The following ZNF277 variants were observed in gnomAD, a reference collection of about 807,000 sequenced individuals.
The protein encoded by ZNF277 is zinc finger protein 277.
A neutral mutation model predicts 60.7 loss-of-function variants in ZNF277; 55 were observed. The ratio of observed to expected loss-of-function variants is 0.91; its 90% CI spans 0.73 to 1.13. The LOEUF (loss-of-function observed/expected upper bound fraction) is 1.13. Among genes scored for constraint, ZNF277 ranks in the 50% most tolerant of loss-of-function variants. The pLI is 0.00. For synonymous variants in ZNF277, 178 were observed against 179.3 expected (o/e 0.99, Z 0.06); for missense variants, 510 against 523.0 (o/e 0.98, Z 0.24).
chr7:112,314,977 T>A (rs1792812232), intron 4 of ZNF277, among the ~76,000 whole-genome samples: 2 of 152,118 alleles, frequency 1.3e-5, no homozygotes, highest in Non-Finnish European at 2.9e-5. Flanking sequence ...GCAGACTAAT[T>A]TTTTAAAGGT....
intron 1 of ZNF277, among the ~76,000 whole-genome samples, chr7:112,247,035 A>G (rs187501112): frequency 6.6e-6 from 1 of 152,148 alleles, no homozygotes; most frequent in Non-Finnish European, 1.5e-5. Context: ...ATAATGCCAC[A>G]TTGCACACTG....
intron 6 of ZNF277, 92 bp downstream of exon 6, chr7:112,327,919 A>G: frequency 2.4e-6 from 2 of 849,746 alleles, no homozygotes; most frequent in Non-Finnish European, 3.5e-6. Flanking sequence ...GAGTAATTAA[A>G]GAAGTGGGAA....
At chr7:112,328,062 T>C (rs1473909442) in intron 6 of ZNF277, 3 of 354,290 alleles carry the variant, frequency 8.5e-6, no homozygotes. Context: ...TATCATACAA[T>C]GTATGCCGTA....
At chr7:112,310,953 C>A (rs749088135) in intron 4 of ZNF277, among the ~76,000 whole-genome samples, 9 of 152,056 alleles carry the variant, frequency 5.9e-5, no homozygotes, top group Admixed American at 1.3e-4. Context: ...TTTTTGATAG[C>A]CATAGCTAAT....
intron 1 of ZNF277, among the ~76,000 whole-genome samples, chr7:112,210,466 T>TTTTTTG (rs1554482109): frequency 1.2e-4 from 1 of 8,268 alleles, no homozygotes; most frequent in Non-Finnish European, 3.5e-4. Flanking sequence ...TTGTTTTTTG[T>TTTTTTG]TTTTTTTTTT....
chr7:112,280,340 C>CA (rs758017101), intron 1 of ZNF277, among the ~76,000 whole-genome samples: 38 of 152,134 alleles, frequency 2.5e-4, no homozygotes, highest in Non-Finnish European at 2.2e-4. Flanking sequence ...TCCCCAGAAT[C>CA]AATAAAAATG....
At chr7:112,208,870 C>G (rs959832888) in intron 1 of ZNF277, among the ~76,000 whole-genome samples, 1 of 151,878 alleles carries the variant, frequency 6.6e-6, no homozygotes. Flanking sequence ...TTAGTAGAGA[C>G]GGGGTTTCAC....
At chr7:112,330,743 T>C (rs6944662) in intron 7 of ZNF277, among the ~76,000 whole-genome samples, 53,458 of 151,226 alleles carry the variant, frequency 0.35, 11,979 homozygotes, top group African/African-American at 0.64. Context: ...TACACCACAC[T>C]TGGCTAATTT....
At chr7:112,215,783 T>TA (rs1259475919) in intron 1 of ZNF277, among the ~76,000 whole-genome samples, 1 of 152,220 alleles carries the variant, frequency 6.6e-6, no homozygotes, top group Non-Finnish European at 1.5e-5. Flanking sequence ...GCCCTGCCTT[T>TA]AAAAAACTTT....
At chr7:112,299,239 C>A (rs1019259039) in intron 4 of ZNF277, among the ~76,000 whole-genome samples, 3 of 152,130 alleles carry the variant, frequency 2.0e-5, no homozygotes, top group African/African-American at 7.2e-5. Context: ...GATCTATCTC[C>A]TTTATAAAGA....
intron 1 of ZNF277, among the ~76,000 whole-genome samples, chr7:112,257,128 C>A (rs1035093350): frequency 2.0e-5 from 3 of 152,184 alleles, no homozygotes; most frequent in Admixed American, 6.5e-5. Flanking sequence ...GTATTGATGA[C>A]CATCAACATA....
At chr7:112,301,164 C>T (rs905187055) in intron 4 of ZNF277, among the ~76,000 whole-genome samples, 12 of 151,870 alleles carry the variant, frequency 7.9e-5, no homozygotes, top group African/African-American at 1.9e-4. Context: ...CTCTGCTTCC[C>T]GGGGTCAAGT....
intron 4 of ZNF277, among the ~76,000 whole-genome samples, chr7:112,309,254 A>T (rs1333811242): frequency 6.6e-6 from 1 of 151,978 alleles, no homozygotes; most frequent in Non-Finnish European, 1.5e-5. Context: ...CTCTGTATCC[A>T]TGTGAGAGTC....
rs147613739 is a variant in ZNF277, at chr7:112,296,237, G to A, written c.391G>A (p.Glu131Lys). ...INSTAPFEEQ[E>K]NYFLLCDVLP... is the part of the protein sequence containing the mutation. ...TCCTAATCTCTCAACAGAAGAACAAGAGAATTATTTTTTGTTATGTGACGT... is the reference window on the plus strand; with the variant it reads ...TCCTAATCTCTCAACAGAAGAACAAAAGAATTATTTTTTGTTATGTGACGT... The change falls in exon 4 of 12, where the codon GAG becomes AAG. Residue 131 changes from glutamate to lysine, a missense_variant. Glu to Lys is a moderately conservative substitution (Grantham distance 56). Coordinates refer to ENST00000361822, the MANE Select transcript of ZNF277 (RefSeq NM_021994.3). 5.7e-5 allele frequency: 89 copies of A among 1,573,242 alleles called. 1 individual carries two copies. In the Middle Eastern group the frequency reaches 2.8e-3, roughly 50 times the overall value.
At chr7:112,268,616 C>T (rs559474284) in intron 1 of ZNF277, among the ~76,000 whole-genome samples, 1 of 152,008 alleles carries the variant, frequency 6.6e-6, no homozygotes, top group Non-Finnish European at 1.5e-5. Flanking sequence ...GATTATTGTT[C>T]CTGAAACTTT....
chr7:112,304,138 ATC>A (rs992418737), intron 4 of ZNF277, among the ~76,000 whole-genome samples: 2 of 152,172 alleles, frequency 1.3e-5, no homozygotes, highest in African/African-American at 4.8e-5. Context: ...ACTTTCTATC[ATC>A]TCTCATAAAA....
intron 4 of ZNF277, among the ~76,000 whole-genome samples, chr7:112,308,447 G>T (rs1387986851): frequency 6.6e-6 from 1 of 152,036 alleles, no homozygotes; most frequent in Non-Finnish European, 1.5e-5. Flanking sequence ...AGCCCAGGAG[G>T]TGGAGGTTGC....
intron 1 of ZNF277, among the ~76,000 whole-genome samples, chr7:112,241,887 A>G (rs566360368): frequency 3.5e-4 from 53 of 152,220 alleles, no homozygotes; most frequent in African/African-American, 1.1e-3. Flanking sequence ...GAGGATAGTT[A>G]AAGAGTACAA....
intron 4 of ZNF277, among the ~76,000 whole-genome samples, chr7:112,313,231 C>T (rs115150950): frequency 1.6e-3 from 237 of 151,908 alleles, no homozygotes; most frequent in African/African-American, 4.7e-3. Context: ...TTGCTCAAAA[C>T]GTCATGTTAG....
Sources: gnomAD v4.1 joint callset for allele counts (sites outside exome capture counted in the v4.1 genomes callset) on GRCh38, gnomAD v4.1.1 for gene constraint, MANE v1.5 for transcripts, NCBI Gene and HGNC (gene_info 2026-07-23, HGNC 2026-07-21) for gene names.